Variants in C8orf34 observed in about 807,000 individuals in gnomAD.
The protein encoded by C8orf34 is chromosome 8 open reading frame 34.
C8orf34 carries 65 observed loss-of-function variants against 68.3 expected under a neutral mutation model. The ratio of observed to expected loss-of-function variants is 0.95; its 90% CI spans 0.78 to 1.17. The LOEUF (loss-of-function observed/expected upper bound fraction) is 1.17, where lower values mean the gene tolerates loss of function less well. C8orf34 is among the 50% of genes most tolerant of loss of function. C8orf34 has a pLI of 0.00. For missense variants in C8orf34, 664 were observed against 655.4 expected (o/e 1.01, Z -0.14); for synonymous variants, 244 against 241.2 (o/e 1.01, Z -0.11).
intron 1 of C8orf34, among the ~76,000 whole-genome samples, chr8:68,378,985 G>A (rs538317325): frequency 1.3e-5 from 2 of 152,060 alleles, no homozygotes; most frequent in African/African-American, 4.8e-5. Flanking sequence ...AATGAAAAGG[G>A]AAAATGAAAC....
intron 7 of C8orf34, among the ~76,000 whole-genome samples, chr8:68,565,936 A>G (rs1053223474): frequency 2.6e-5 from 4 of 152,182 alleles, no homozygotes; most frequent in African/African-American, 9.7e-5. Context: ...GCTTGAAGGA[A>G]GATACAAATT....
intron 8 of C8orf34, among the ~76,000 whole-genome samples, chr8:68,645,917 T>A (rs779270172): frequency 6.6e-6 from 1 of 152,188 alleles, no homozygotes; most frequent in African/African-American, 2.4e-5. Flanking sequence ...TACTTTGAAC[T>A]GAAGGAGACT....
At position 68,723,391 on chromosome 8, in the gene C8orf34, T is replaced by C. The variant is rs573770296; in HGVS notation, c.1404+1954T>C. On this transcript the variant is annotated intron_variant, in intron 10 of 13. Transcript: ENST00000518698. ...AATTTCAGTACCTTGATGCTTTCTCTGAACATATCCTTGTTTGCCAAGTCC... is the reference window on the plus strand; with the variant it reads ...AATTTCAGTACCTTGATGCTTTCTCCGAACATATCCTTGTTTGCCAAGTCC... Among the ~76,000 whole-genome samples, 4 of 152,148 alleles carry C rather than the reference T, an allele frequency of 2.6e-5. No homozygotes were observed. The South Asian group carries it at 8.3e-4, about 31-fold the overall frequency.
At chr8:68,602,910 C>T (rs568482413) in intron 7 of C8orf34, among the ~76,000 whole-genome samples, 2 of 152,180 alleles carry the variant, frequency 1.3e-5, no homozygotes, top group South Asian at 4.2e-4. Context: ...TTTTCCTGTA[C>T]TTTTTGCTAG....
intron 11 of C8orf34, among the ~76,000 whole-genome samples, chr8:68,781,671 C>T (rs1488222908): frequency 6.6e-6 from 1 of 152,140 alleles, no homozygotes; most frequent in Non-Finnish European, 1.5e-5. Context: ...CATAGTGGTG[C>T]TTGTTGGCAC....
At chr8:68,643,765 AT>A (rs1287488678) in intron 8 of C8orf34, among the ~76,000 whole-genome samples, 2 of 152,180 alleles carry the variant, frequency 1.3e-5, no homozygotes, top group African/African-American at 4.8e-5. Flanking sequence ...CAACATATGA[AT>A]TTGGGAGGGG....
chr8:68,642,286 G>T (rs573385730), intron 8 of C8orf34, among the ~76,000 whole-genome samples: 3 of 152,142 alleles, frequency 2.0e-5, no homozygotes, highest in Non-Finnish European at 4.4e-5. Flanking sequence ...GGAGAATAAG[G>T]CATTGTTGTA....
chr8:68,521,217 A>G (rs1297437647), intron 5 of C8orf34, among the ~76,000 whole-genome samples: 2 of 152,236 alleles, frequency 1.3e-5, no homozygotes, highest in African/African-American at 4.8e-5. Flanking sequence ...ATTCTACTAC[A>G]ATAGTATTTT....
chr8:68,431,319 T>C (rs1563432990), intron 1 of C8orf34, among the ~76,000 whole-genome samples: 1 of 152,210 alleles, frequency 6.6e-6, no homozygotes, highest in Non-Finnish European at 1.5e-5. Flanking sequence ...ATAAAGTAAT[T>C]TTTATTGAAC....
rs1466657484 is a variant in C8orf34 at position 68,744,703 on chromosome 8, G to T, written c.1404+23266G>T. ...TAGAGAAAAAAGAATAAAAAGAAAC[G>T]AGCAAAGCCTCCAAGAAATATGGGA... On this transcript the variant is annotated intron_variant, in intron 10 of 13. Transcript: ENST00000518698. Among the ~76,000 whole-genome samples, 2 of 152,184 alleles carry T rather than the reference G, an allele frequency of 1.3e-5. 1 individual carries two copies. Among genetic ancestry groups the T allele is most frequent in the South Asian group, 4.2e-4 (2 of 4,814 alleles).
At chr8:68,722,359 C>A (rs1273991596) in intron 10 of C8orf34, among the ~76,000 whole-genome samples, 2 of 152,086 alleles carry the variant, frequency 1.3e-5, no homozygotes, top group African/African-American at 2.4e-5. Flanking sequence ...TCTCCAAATG[C>A]ATTCTGAGGT....
chr8:68,776,610 A>G (rs1823527587), intron 11 of C8orf34, among the ~76,000 whole-genome samples, 161 bp downstream of exon 11: 1 of 152,170 alleles, frequency 6.6e-6, no homozygotes, highest in Non-Finnish European at 1.5e-5. Flanking sequence ...GGTTAGCAAG[A>G]CAGGTTTTGG....
intron 8 of C8orf34, among the ~76,000 whole-genome samples, chr8:68,643,750 T>C (rs778247433): frequency 2.0e-5 from 3 of 152,234 alleles, no homozygotes; most frequent in Non-Finnish European, 2.9e-5. Context: ...CAGGGGGTTA[T>C]GTTTCAACAT....
chr8:68,635,260 G>A (rs1321590394), intron 7 of C8orf34, among the ~76,000 whole-genome samples: 1 of 152,098 alleles, frequency 6.6e-6, no homozygotes, highest in Non-Finnish European at 1.5e-5. Context: ...AGGATTCTGT[G>A]TCTTATTAGT....
chr8:68,397,374 G>A (rs777902284), intron 1 of C8orf34, among the ~76,000 whole-genome samples: 5 of 152,084 alleles, frequency 3.3e-5, no homozygotes, highest in Non-Finnish European at 5.9e-5. Context: ...TTTCCTAAAC[G>A]CTATCCTAAC....
Position 68,468,735 on chromosome 8 carries a change from A to T in C8orf34, c.651A>T (p.Lys217Asn). Reference protein sequence around the residue: ...VEHPKWNWRTKPQSRDFDELN... With the variant: ...VEHPKWNWRTNPQSRDFDELN... ...ATCCAAAGTGGAACTGGAGGACTAA[A>T]CCACAAAGCCGTGATTTTGATGAAT... Residue 217 changes from lysine (K) to asparagine (N), a missense_variant, in exon 4 of 14, where the codon AAA (lysine) becomes AAT (asparagine). Physicochemically the swap from Lys to Asn is moderately conservative, Grantham distance 94 (BLOSUM62 0). Coordinates refer to ENST00000518698, the MANE Select transcript of C8orf34 (RefSeq NM_052958.4). 1 of 1,612,952 alleles carries T rather than the reference A, an allele frequency of 6.2e-7. No homozygotes were observed. Among genetic ancestry groups the T allele is most frequent in the Non-Finnish European group, 8.5e-7 (1 of 1,179,300 alleles).
At position 68,818,380 on chromosome 8, in the gene C8orf34, T is replaced by A; in HGVS notation, c.*134T>A. 9.7e-7 allele frequency: 1 copy of A among 1,032,822 alleles called. No individual in the cohort carries two copies. Among genetic ancestry groups the A allele is most frequent in the Non-Finnish European group, 1.5e-6 (1 of 686,032 alleles). The allele number at this position is 1,032,822 out of a possible 1,614,324, so 64.0% of individuals were successfully genotyped here. On this transcript the variant is annotated 3_prime_UTR_variant, in exon 14 of 14. Transcript: ENST00000518698. ...TTTTATAATCTCAATAATAAACAAG[T>A]ACTATCGTAGCCAGGGGGTGCCCAA...
At chr8:68,816,740 T>C (rs1012782701) in intron 13 of C8orf34, among the ~76,000 whole-genome samples, 3 of 152,186 alleles carry the variant, frequency 2.0e-5, no homozygotes, top group Non-Finnish European at 4.4e-5. Context: ...CAATGTACTA[T>C]GATATAGCTA....
At chr8:68,499,171 A>T (rs1813659270) in intron 5 of C8orf34, among the ~76,000 whole-genome samples, 1 of 152,150 alleles carries the variant, frequency 6.6e-6, no homozygotes, top group Non-Finnish European at 1.5e-5. Flanking sequence ...AAGTGAGAAC[A>T]TGTGGTATTT....
Sources: gnomAD v4.1 joint callset for allele counts (sites outside exome capture counted in the v4.1 genomes callset) on GRCh38, gnomAD v4.1.1 for gene constraint, MANE v1.5 for transcripts, NCBI Gene and HGNC (gene_info 2026-07-23, HGNC 2026-07-21) for gene names.